The following KLHL6 variants were observed in gnomAD, a reference collection of about 807,000 sequenced individuals.
The protein encoded by KLHL6 is kelch-like protein 6.
A neutral mutation model predicts 58.6 loss-of-function variants in KLHL6; 41 were observed. The ratio of observed to expected loss-of-function variants is 0.70; its 90% confidence interval spans 0.55 to 0.91. The LOEUF (loss-of-function observed/expected upper bound fraction) is 0.91, where lower values mean the gene tolerates loss of function less well. Among genes scored for constraint, KLHL6 ranks in the 40% least tolerant of loss-of-function variants. The pLI, the probability that KLHL6 is intolerant of heterozygous loss-of-function variation, is 0.00. For synonymous variants in KLHL6, 338 were observed against 322.7 expected (o/e 1.05, Z -0.51); for missense variants, 714 against 805.6 (o/e 0.89, Z 1.38).
rs1011007625 is a variant in KLHL6 at position 183,507,644 on chromosome 3, A to C, written c.909+415T>G. ...GAGACAGGGTTTCACCATGTTGGCCAGGATGGTCTGGATCTCTTGACCTCG... is the reference window on the plus strand; with the variant it reads ...GAGACAGGGTTTCACCATGTTGGCCCGGATGGTCTGGATCTCTTGACCTCG... On this transcript the variant is annotated intron_variant, in intron 3 of 6. Coordinates refer to ENST00000341319, the MANE Select transcript of KLHL6 (RefSeq NM_130446.4). 4.5e-4 allele frequency among the ~76,000 whole-genome samples: 68 copies of C among 152,104 alleles called. 1 individual carries two copies. Among genetic ancestry groups the C allele is most frequent in the Non-Finnish European group, 1.0e-4 (7 of 68,018 alleles).
intron 2 of KLHL6, among the ~76,000 whole-genome samples, chr3:183,524,878 CT>C (rs1711897302): frequency 6.6e-6 from 1 of 152,224 alleles, no homozygotes; most frequent in Non-Finnish European, 1.5e-5. Flanking sequence ...AATGCCATCA[CT>C]GGCACACTTT....
intron 2 of KLHL6, among the ~76,000 whole-genome samples, chr3:183,524,009 C>A (rs1429786142): frequency 6.6e-6 from 1 of 152,160 alleles, no homozygotes; most frequent in Non-Finnish European, 1.5e-5. Context: ...GATGCACCCG[C>A]CTCAGCCTCC....
intron 4 of KLHL6, among the ~76,000 whole-genome samples, chr3:183,496,958 T>C (rs1341766510): frequency 1.3e-5 from 2 of 151,982 alleles, no homozygotes; most frequent in African/African-American, 4.8e-5. Context: ...GCCAACATGG[T>C]GAAACCCTGT....
rs1215258056 is a variant in KLHL6 at position 183,513,497 on chromosome 3, T to A, written c.460-4989A>T. The stretch of plus-strand genomic sequence containing the variant: ...TCACTGGGTAGCTCAGATGACCTGA[T>A]CTGCCCTGACACAGGAAGGACTAGC... On this transcript the variant is annotated intron_variant, in intron 2 of 6. Coordinates refer to ENST00000341319, the MANE Select transcript of KLHL6 (RefSeq NM_130446.4). 2.0e-5 allele frequency among the ~76,000 whole-genome samples: 3 copies of A among 152,222 alleles called. No individual in the cohort carries two copies. In the East Asian group the frequency reaches 5.8e-4, roughly 29 times the overall value.
intron 4 of KLHL6, among the ~76,000 whole-genome samples, chr3:183,497,539 G>A (rs934815397): frequency 6.6e-6 from 1 of 152,228 alleles, no homozygotes; most frequent in Non-Finnish European, 1.5e-5. Context: ...CCCAGAGGGG[G>A]TGAGGGGAGG....
chr3:183,513,878 A>C (rs1162804920), intron 2 of KLHL6, among the ~76,000 whole-genome samples: 1 of 151,460 alleles, frequency 6.6e-6, no homozygotes, highest in Non-Finnish European at 1.5e-5. Flanking sequence ...CTTCCCCTCC[A>C]CCACCCGACA....
chr3:183,506,171 C>A (rs565364561), intron 3 of KLHL6, among the ~76,000 whole-genome samples: 1 of 152,288 alleles, frequency 6.6e-6, no homozygotes, highest in South Asian at 2.1e-4. Context: ...TTCATGTGTA[C>A]AAACTGTTAA....
intron 4 of KLHL6, among the ~76,000 whole-genome samples, chr3:183,496,081 C>T (rs1057386300): frequency 2.0e-5 from 3 of 151,924 alleles, no homozygotes; most frequent in African/African-American, 7.3e-5. Context: ...GTTTTCTAAG[C>T]ATGACATGAA....
rs2108660555 is a variant in KLHL6, at chr3:183,490,315, T to C, written c.*1612A>G. ...AGAAAGTGTACCATCAAGGAGAATC[T>C]GTCGCTCCTGTGTAGGCCAGCTGTG... On this transcript the variant is annotated 3_prime_UTR_variant, in exon 7 of 7. Transcript: ENST00000341319. 6.6e-6 allele frequency: 1 copy of C among 152,324 alleles called. No homozygotes were observed. Among genetic ancestry groups the C allele is most frequent in the Middle Eastern group, 3.4e-3 (1 of 294 alleles). The allele number at this position is 152,324 out of a possible 1,614,324, so 9.4% of individuals were successfully genotyped here. A position where few individuals can be genotyped will look rare whatever the true frequency, so the allele number is the denominator to read the frequency against.
intron 1 of KLHL6, chr3:183,544,478 A>C (rs1712653682): frequency 6.6e-6 from 1 of 152,220 alleles, no homozygotes; most frequent in Admixed American, 6.5e-5. Flanking sequence ...TATGTCTCTG[A>C]AACCAAGGCT....
intron 1 of KLHL6, among the ~76,000 whole-genome samples, chr3:183,542,127 T>C (rs1712573740): frequency 6.6e-6 from 1 of 152,166 alleles, no homozygotes; most frequent in Non-Finnish European, 1.5e-5. Context: ...CCACACTGCC[T>C]ATACCTTAAT....
Position 183,491,731 on chromosome 3 carries a change from G to A in KLHL6, c.*196C>T. The A allele has an allele frequency of 2.2e-6, 1 of 448,410 alleles. No homozygotes were observed. The highest frequency in any genetic ancestry group is 4.0e-5 in the Admixed American group (1 of 24,856). 27.8% of individuals were successfully genotyped at this position (448,410 alleles called of 1,614,324 possible). ...TTCCTCGCCTCCCCTCCTGAGGTAG[G>A]TCATGCAAACATTCCTGGCCGGTCT... On this transcript the variant is annotated 3_prime_UTR_variant, in exon 7 of 7. Transcript: ENST00000341319.
chr3:183,541,505 G>T (rs1269195447), intron 1 of KLHL6, among the ~76,000 whole-genome samples: 1 of 152,170 alleles, frequency 6.6e-6, no homozygotes, highest in African/African-American at 2.4e-5. Flanking sequence ...CCAGAAAGGG[G>T]CCCCCATTTC....
In KLHL6 at chr3:183,492,273, G is replaced by C. The variant is rs1717583960; in HGVS notation, c.1565-45C>G. On this transcript the variant is annotated intron_variant, in intron 6 of 6. Transcript: ENST00000341319. The surrounding 1 kb of genome is among the most constrained non-coding windows in gnomAD (Gnocchi z 5.9). Reference sequence around the variant, plus strand: ...ACGGTGGGCATCGCTCCATTTTTCTGGTTTCTTCCCTCTTAACCACTAAAA... The same window carrying C: ...ACGGTGGGCATCGCTCCATTTTTCTCGTTTCTTCCCTCTTAACCACTAAAA... 1 of 1,506,336 alleles carries C rather than the reference G, an allele frequency of 6.6e-7. No individual in the cohort carries two copies. The highest frequency in any genetic ancestry group is 8.9e-7 in the Non-Finnish European group (1 of 1,119,230). The allele number at this position is 1,506,336 out of a possible 1,614,324, so 93.3% of individuals were successfully genotyped here. A position where few individuals can be genotyped will look rare whatever the true frequency, so the allele number is the denominator to read the frequency against.
chr3:183,492,053 G>A lies in KLHL6; in HGVS notation c.1740C>T (p.Asp580=), dbSNP rs1359670787. 2.5e-6 allele frequency: 4 copies of A among 1,614,016 alleles called. No individual in the cohort carries two copies. The highest frequency in any genetic ancestry group is 2.2e-5 in the South Asian group (2 of 91,084). Residue 580 remains aspartate, a synonymous_variant, in exon 7 of 7, where the codon GAC becomes GAT. Coordinates refer to ENST00000341319, the MANE Select transcript of KLHL6 (RefSeq NM_130446.4). This position sits in a 1 kb window ranked among gnomAD's most constrained non-coding sequence, Gnocchi z 5.9. ...CCTCTGTCAGTTTCTGGGCCTCGGGGTCCCAGCACAGCACCGTGGCGATAA... is the reference window on the plus strand; with the variant it reads ...CCTCTGTCAGTTTCTGGGCCTCGGGATCCCAGCACAGCACCGTGGCGATAA... ...NEVIATVLCW[D]PEAQKLTEEC...
chr3:183,506,080 A>G (rs898011815), intron 3 of KLHL6, among the ~76,000 whole-genome samples: 1 of 152,244 alleles, frequency 6.6e-6, no homozygotes, highest in African/African-American at 2.4e-5. Context: ...ACGTTTGGCT[A>G]AGGCTTCTAC....
chr3:183,540,580 G>C (rs1712519820), intron 1 of KLHL6, among the ~76,000 whole-genome samples: 1 of 151,936 alleles, frequency 6.6e-6, no homozygotes, highest in South Asian at 2.1e-4. Context: ...TTTGCTTGTT[G>C]GTTTGTTTTG....
intron 1 of KLHL6, among the ~76,000 whole-genome samples, chr3:183,546,543 C>A (rs558700117): frequency 6.6e-6 from 1 of 152,236 alleles, no homozygotes; most frequent in East Asian, 1.9e-4. Context: ...CGGTCCTGGC[C>A]CCTGTCTAGC....
chr3:183,539,438 G>A (rs189301280), intron 1 of KLHL6, among the ~76,000 whole-genome samples: 21 of 152,230 alleles, frequency 1.4e-4, no homozygotes, highest in Admixed American at 1.0e-3. Flanking sequence ...GGCCAGGCAC[G>A]GTGGCCCATG....
Sources: allele counts gnomAD v4.1 joint callset (sites outside exome capture counted in the v4.1 genomes callset), GRCh38; gene constraint gnomAD v4.1.1; non-coding constraint Gnocchi (gnomAD v3.1); transcripts MANE v1.5; gene names NCBI Gene and HGNC (gene_info 2026-07-23, HGNC 2026-07-21).